SLC39A11: variants seen among roughly 807,000 people sequenced by gnomAD.
SLC39A11 encodes the protein solute carrier family 39 member 11, also known as zinc transporter ZIP11.
SLC39A11 carries 33 observed loss-of-function variants against 36.1 expected under a neutral mutation model. The observed-to-expected ratio is 0.91, with a 90% confidence interval of 0.69 to 1.22. The LOEUF (loss-of-function observed/expected upper bound fraction) is 1.22, where lower values mean the gene tolerates loss of function less well. Ranked by LOEUF, SLC39A11 falls within the 50% of genes most tolerant of loss-of-function variation. The pLI is 0.00. For synonymous variants in SLC39A11, 166 were observed against 170.3 expected, an observed-to-expected ratio of 0.97 and a Z score of 0.20; for missense variants, 432 against 430.3, an observed-to-expected ratio of 1.00 and a Z score of -0.03.
chr17:72,833,731 A>G (rs2078386342), intron 6 of SLC39A11, among the ~76,000 whole-genome samples: 1 of 152,124 alleles, frequency 6.6e-6, no homozygotes, highest in African/African-American at 2.4e-5. Flanking sequence ...AGAGGACAAG[A>G]TGATGAGCTA....
intron 3 of SLC39A11, among the ~76,000 whole-genome samples, chr17:73,082,001 T>C (rs549343974): frequency 5.9e-4 from 89 of 151,044 alleles, no homozygotes; most frequent in African/African-American, 2.0e-3. Context: ...AGACTACATA[T>C]TGGGGACAGT....
intron 7 of SLC39A11, among the ~76,000 whole-genome samples, chr17:72,706,418 G>A (rs1443247161): frequency 6.6e-6 from 1 of 152,048 alleles, no homozygotes; most frequent in African/African-American, 2.4e-5. Context: ...CTTCCCTTTG[G>A]AAACTCCCAG....
intron 6 of SLC39A11, among the ~76,000 whole-genome samples, chr17:72,765,801 A>G (rs2075739410): frequency 6.6e-6 from 1 of 152,166 alleles, no homozygotes; most frequent in Admixed American, 6.5e-5. Flanking sequence ...CCAAAGAGAG[A>G]TTCTTTTCCC....
chr17:72,729,983 G>A (rs896420248), intron 7 of SLC39A11, among the ~76,000 whole-genome samples: 4 of 151,896 alleles, frequency 2.6e-5, no homozygotes, highest in Non-Finnish European at 4.4e-5. Flanking sequence ...AAGACAATGC[G>A]GTCTGAATGG....
At chr17:72,915,484 T>C (rs543589397) in intron 5 of SLC39A11, among the ~76,000 whole-genome samples, 2 of 152,348 alleles carry the variant, frequency 1.3e-5, no homozygotes, top group South Asian at 4.1e-4. Flanking sequence ...TGGTACAACG[T>C]GGGCCTGGCA....
intron 6 of SLC39A11, among the ~76,000 whole-genome samples, chr17:72,784,046 T>A (rs776346349): frequency 1.5e-4 from 23 of 152,038 alleles, no homozygotes; most frequent in Non-Finnish European, 2.9e-4. Flanking sequence ...GAATGAAGCC[T>A]TGAAAGGACT....
chr17:72,935,420 G>A (rs1274785969), intron 5 of SLC39A11, among the ~76,000 whole-genome samples: 2 of 152,178 alleles, frequency 1.3e-5, no homozygotes, highest in Non-Finnish European at 2.9e-5. Flanking sequence ...CCAAGAGGCT[G>A]CTCAAGGGAA....
intron 4 of SLC39A11, 56 bp downstream of exon 4, chr17:73,031,500 A>T (rs74323364): frequency 7.6e-6 from 12 of 1,582,644 alleles, no homozygotes; most frequent in Middle Eastern, 1.7e-4. Flanking sequence ...AAATAAATTC[A>T]TTGCACAGAG....
intron 7 of SLC39A11, among the ~76,000 whole-genome samples, chr17:72,725,780 T>C (rs1038024122): frequency 1.3e-5 from 2 of 152,166 alleles, no homozygotes; most frequent in African/African-American, 2.4e-5. Flanking sequence ...GAGCTGCCAA[T>C]AGATCACTCT....
chr17:72,819,961 T>C (rs1445057579), intron 6 of SLC39A11, among the ~76,000 whole-genome samples: 2 of 151,024 alleles, frequency 1.3e-5, no homozygotes, highest in African/African-American at 2.4e-5. Flanking sequence ...AGGCCCTGTG[T>C]TCCCTCTGGG....
intron 5 of SLC39A11, among the ~76,000 whole-genome samples, chr17:72,919,980 T>C (rs1043219868): frequency 1.1e-4 from 16 of 152,196 alleles, no homozygotes; most frequent in African/African-American, 3.1e-4. Flanking sequence ...TTGAGATCAA[T>C]GGACTGCCAG....
At chr17:73,060,867 G>A (rs1330035647) in intron 3 of SLC39A11, among the ~76,000 whole-genome samples, 1 of 152,112 alleles carries the variant, frequency 6.6e-6, no homozygotes, top group Non-Finnish European at 1.5e-5. Flanking sequence ...CTTGTCAATT[G>A]TGTCATTATT....
At chr17:72,690,330 T>C (rs953979481) in intron 7 of SLC39A11, among the ~76,000 whole-genome samples, 1 of 152,150 alleles carries the variant, frequency 6.6e-6, no homozygotes, top group African/African-American at 2.4e-5. Flanking sequence ...TAAAAACAAG[T>C]TAGGAGTCAG....
At chr17:72,879,099 G>C (rs1004843253) in intron 5 of SLC39A11, among the ~76,000 whole-genome samples, 5 of 152,220 alleles carry the variant, frequency 3.3e-5, no homozygotes, top group South Asian at 2.1e-4. Context: ...GGGGCGTGGA[G>C]CTTCCACGCC....
At chr17:72,998,396 C>T (rs1383581665) in intron 4 of SLC39A11, among the ~76,000 whole-genome samples, 3 of 152,148 alleles carry the variant, frequency 2.0e-5, no homozygotes, top group South Asian at 4.1e-4. Context: ...TTTAGGAAGC[C>T]TTTTATGACT....
At chr17:72,868,618 CAAAAAAAAAAAAAA>C (rs71354894) in intron 5 of SLC39A11, among the ~76,000 whole-genome samples, 894 of 56,616 alleles carry the variant, frequency 0.016, 16 homozygotes, top group Non-Finnish European at 0.021. Context: ...CCTGTCTCTA[CAAAAAAAAAAAAAA>C]AAAAAAAAAA....
intron 5 of SLC39A11, among the ~76,000 whole-genome samples, chr17:72,860,841 C>A (rs1286588731): frequency 6.6e-6 from 1 of 152,116 alleles, no homozygotes; most frequent in African/African-American, 2.4e-5. Flanking sequence ...TCAGGGCGAC[C>A]ATTTCCTGGT....
chr17:73,054,190 C>A (rs566654422), intron 3 of SLC39A11, among the ~76,000 whole-genome samples: 232 of 152,100 alleles, frequency 1.5e-3, no homozygotes, highest in African/African-American at 5.5e-3. Context: ...GGTGAAACCC[C>A]GTGTCTACTA....
chr17:72,872,944 A>G (rs1014483090), intron 5 of SLC39A11, among the ~76,000 whole-genome samples: 4 of 151,250 alleles, frequency 2.6e-5, no homozygotes, highest in African/African-American at 9.7e-5. Context: ...AGTCCCAGCT[A>G]CTCGGAGGCT....
Sources: gnomAD v4.1 joint callset for allele counts (sites outside exome capture counted in the v4.1 genomes callset) on GRCh38, gnomAD v4.1.1 for gene constraint, MANE v1.5 for transcripts, NCBI Gene and HGNC (gene_info 2026-07-23, HGNC 2026-07-21) for gene names.